The following ADGRL2 variants were observed in gnomAD, a reference collection of about 807,000 sequenced individuals.
The protein encoded by ADGRL2 is calcium-independent alpha-latrotoxin receptor 2.
A neutral mutation model predicts 157.4 loss-of-function variants in ADGRL2; 44 were observed. The observed-to-expected ratio is 0.28, with a 90% CI of 0.22 to 0.36. The LOEUF (loss-of-function observed/expected upper bound fraction) is 0.36. ADGRL2 is among the 10% of genes least tolerant of loss of function. ADGRL2 has a pLI of 1.00. For missense variants in ADGRL2, 1,510 were observed against 1,768.9 expected, an observed-to-expected ratio of 0.85 and a Z score of 2.63; for synonymous variants, 585 against 624.7, an observed-to-expected ratio of 0.94 and a Z score of 0.95.
chr1:81,389,295 A>G (rs7514532), intron 1 of ADGRL2, among the ~76,000 whole-genome samples: 65,159 of 151,910 alleles, frequency 0.43, 15,368 homozygotes, highest in East Asian at 0.87. Context: ...CCCAATAGAG[A>G]TTACATTCCA....
chr1:81,749,472 C>A (rs2085418568), intron 1 of ADGRL2, among the ~76,000 whole-genome samples: 1 of 152,090 alleles, frequency 6.6e-6, no homozygotes, highest in South Asian at 2.1e-4. Flanking sequence ...ACCTGGCATA[C>A]CACATATTGC....
chr1:81,391,179 A>T (rs72939044), intron 1 of ADGRL2, among the ~76,000 whole-genome samples: 764 of 151,942 alleles, frequency 5.0e-3, no homozygotes, highest in African/African-American at 0.017. Context: ...TGATTCATTG[A>T]TGCAGCAAAC....
At chr1:81,322,612 A>G (rs1660604257) in intron 1 of ADGRL2, among the ~76,000 whole-genome samples, 1 of 152,162 alleles carries the variant, frequency 6.6e-6, no homozygotes, top group Non-Finnish European at 1.5e-5. Flanking sequence ...AGTGGAAAGA[A>G]TGATCTCATT....
chr1:81,598,052 A>G (rs759707425), intron 3 of ADGRL2, among the ~76,000 whole-genome samples: 2 of 152,186 alleles, frequency 1.3e-5, no homozygotes, highest in Non-Finnish European at 2.9e-5. Context: ...TCCAGAGGTA[A>G]CAACTGTAGT....
At chr1:81,827,680 C>T (rs1318158298) in intron 1 of ADGRL2, among the ~76,000 whole-genome samples, 1 of 152,154 alleles carries the variant, frequency 6.6e-6, no homozygotes, top group Non-Finnish European at 1.5e-5. Flanking sequence ...TTTCTCTTGC[C>T]TCAGCCTCCA....
intron 11 of ADGRL2, among the ~76,000 whole-genome samples, chr1:81,958,066 C>A (rs984354234): frequency 2.0e-5 from 3 of 151,892 alleles, no homozygotes; most frequent in Non-Finnish European, 4.4e-5. Context: ...TCCCAGCCTG[C>A]CCAACATAGC....
intron 2 of ADGRL2, among the ~76,000 whole-genome samples, chr1:81,868,936 A>G (rs1158106544): frequency 2.0e-5 from 3 of 152,132 alleles, no homozygotes; most frequent in Non-Finnish European, 4.4e-5. Context: ...GTGGATATTC[A>G]TACTGCATAT....
chr1:81,345,305 C>T (rs1662399864), intron 1 of ADGRL2, among the ~76,000 whole-genome samples: 1 of 152,232 alleles, frequency 6.6e-6, no homozygotes, highest in African/African-American at 2.4e-5. Context: ...TGCATTCTCT[C>T]TCTCTCTCTT....
chr1:81,435,660 A>G (rs960973711), intron 1 of ADGRL2, among the ~76,000 whole-genome samples: 5 of 152,264 alleles, frequency 3.3e-5, no homozygotes, highest in African/African-American at 9.6e-5. Context: ...ATATTTATAT[A>G]AATTCATAGT....
chr1:81,403,323 G>A (rs6700064), intron 1 of ADGRL2, among the ~76,000 whole-genome samples: 66,494 of 151,612 alleles, frequency 0.44, 15,569 homozygotes, highest in East Asian at 0.63. Context: ...GGAGTGCAGC[G>A]GCATGATCTC....
At chr1:81,501,773 G>T (rs1380096971) in intron 2 of ADGRL2, 1 of 1,589,122 alleles carries the variant, frequency 6.3e-7, no homozygotes, top group African/African-American at 1.5e-5. Context: ...GGCAAAAATG[G>T]AGCCACTTCA....
intron 1 of ADGRL2, among the ~76,000 whole-genome samples, chr1:81,339,386 A>G (rs1047086728): frequency 3.9e-5 from 6 of 152,218 alleles, no homozygotes; most frequent in Non-Finnish European, 8.8e-5. Context: ...ACATGTGCAC[A>G]CACACACAAA....
rs538989878 is a variant in ADGRL2, at chr1:81,314,074, G to C, written c.-302+7565G>C. Among the ~76,000 whole-genome samples the C allele has an allele frequency of 2.0e-5, 3 of 152,262 alleles. 1 individual carries two copies. The highest frequency in any genetic ancestry group is 7.2e-5 in the African/African-American group (3 of 41,552). On this transcript the variant is annotated intron_variant, in intron 1 of 24. Transcript: ENST00000370721. ...TGCAAAATGCTGATTATCTGTCAGG[G>C]TAAATCTGTTTATTTCAGATATAGC...
intron 2 of ADGRL2, among the ~76,000 whole-genome samples, chr1:81,454,569 G>T (rs1323043522): frequency 6.6e-6 from 1 of 152,152 alleles, no homozygotes; most frequent in Non-Finnish European, 1.5e-5. Flanking sequence ...CCTTAATGCA[G>T]TCTTAATCTT....
Position 81,987,017 on chromosome 1 carries a change from T to G in ADGRL2, c.3625T>G (p.Phe1209Val). ...VVCNAPSAPV[F>V]NSPATYRETR... ...ATGTAATGCCCCTTCAGCTCCTGTA[T>G]TTAACTCACCAGGTGTGCTTTACTT... The change falls in exon 22 of 24, where the codon TTT becomes GTT. Residue 1209 changes from phenylalanine (F) to valine (V), a missense_variant. Physicochemically the swap from Phe to Val is conservative, Grantham distance 50. This residue lies in a region of ADGRL2 where 497 missense variants were observed against 627.2 expected (regional missense o/e 0.79). Coordinates refer to ENST00000686636, the MANE Select transcript of ADGRL2 (RefSeq NM_001366006.2). 1.2e-6 allele frequency: 2 copies of G among 1,611,456 alleles called. No individual in the cohort carries two copies. The highest frequency in any genetic ancestry group is 8.5e-7 in the Non-Finnish European group (1 of 1,179,148).
At chr1:81,688,751 T>C (rs1311281040) in intron 3 of ADGRL2, among the ~76,000 whole-genome samples, 2 of 152,166 alleles carry the variant, frequency 1.3e-5, no homozygotes, top group Non-Finnish European at 2.9e-5. Context: ...GGCCTTGTTT[T>C]GTCATATTAC....
chr1:81,808,506 A>G (rs1426075178), intron 1 of ADGRL2, among the ~76,000 whole-genome samples: 1 of 151,992 alleles, frequency 6.6e-6, no homozygotes, highest in African/African-American at 2.4e-5. Flanking sequence ...TGCATGACAT[A>G]CGAGAAACTA....
chr1:81,885,415 C>T (rs1176711369), intron 2 of ADGRL2, among the ~76,000 whole-genome samples: 1 of 152,174 alleles, frequency 6.6e-6, no homozygotes, highest in Non-Finnish European at 1.5e-5. Flanking sequence ...AAAAACTTCC[C>T]ATAAACACAG....
intron 1 of ADGRL2, among the ~76,000 whole-genome samples, chr1:81,416,414 T>G (rs1158963338): frequency 6.6e-6 from 1 of 150,840 alleles, no homozygotes; most frequent in Non-Finnish European, 1.5e-5. Flanking sequence ...TGCTAAAGAG[T>G]TTTTATGGTT....
Sources: allele counts gnomAD v4.1 joint callset (sites outside exome capture counted in the v4.1 genomes callset), GRCh38; gene constraint gnomAD v4.1.1; regional missense constraint gnomAD v4.1.1; transcripts MANE v1.5; gene names NCBI Gene and HGNC (gene_info 2026-07-23, HGNC 2026-07-21).